XRN1: variants seen among roughly 807,000 people sequenced by gnomAD.
XRN1 encodes 5'-3' exoribonuclease 1.
Under a neutral mutation model 222.3 loss-of-function variants are expected in XRN1, and 67 were observed. The observed-to-expected ratio is 0.30, with a 90% CI of 0.25 to 0.37. The LOEUF is 0.37. XRN1 is among the 10% of genes least tolerant of loss of function. The pLI, the probability that XRN1 is intolerant of heterozygous loss-of-function variation, is 1.00. For synonymous variants in XRN1, 643 were observed against 652.4 expected, an observed-to-expected ratio of 0.99 and a Z score of 0.22; for missense variants, 1,707 against 2,000.2, an observed-to-expected ratio of 0.85 and a Z score of 2.80.
chr3:142,365,165 T>C lies in XRN1; in HGVS notation c.3276A>G (p.Gln1092=). Residue 1092 remains glutamine (Q), a synonymous_variant, in exon 29 of 41, where the codon CAA becomes CAG. Coordinates refer to ENST00000392981, the MANE Select transcript of XRN1 (RefSeq NM_001282857.2). ...PHLLYRPLEQ[Q]HGVIPDRDAE... is the part of the protein sequence containing the mutation. Reference sequence around the variant, plus strand: ...CATCCCGATCAGGAATGACTCCATGTTGCTGTTCTAAAGGCTGAAGAGAAG... The same window carrying C: ...CATCCCGATCAGGAATGACTCCATGCTGCTGTTCTAAAGGCTGAAGAGAAG... 6.2e-7 allele frequency: 1 copy of C among 1,612,040 alleles called. No individual in the cohort carries two copies. The highest frequency in any genetic ancestry group is 8.5e-7 in the Non-Finnish European group (1 of 1,179,114).
At chr3:142,443,102 C>T (rs1164580321) in intron 1 of XRN1, among the ~76,000 whole-genome samples, 5 of 152,126 alleles carry the variant, frequency 3.3e-5, no homozygotes, top group Non-Finnish European at 5.9e-5. Context: ...AACTACAAAT[C>T]GTTCTTCAAA....
chr3:142,409,419 GA>G (rs1358203134), intron 15 of XRN1, among the ~76,000 whole-genome samples: 2 of 152,182 alleles, frequency 1.3e-5, no homozygotes, highest in Non-Finnish European at 2.9e-5. Context: ...ACCAACTTTT[GA>G]AAAGCACTTT....
intron 2 of XRN1, among the ~76,000 whole-genome samples, chr3:142,432,389 C>T (rs1396636521): frequency 2.0e-5 from 3 of 150,574 alleles, no homozygotes; most frequent in African/African-American, 4.9e-5. Context: ...CCACTGCACT[C>T]CAGCCTGGGT....
rs1559866705 is a variant in XRN1, at chr3:142,418,382, A to G, written c.1346+122T>C. ...CAAAACCAGACTAGTTGAAACATACACAATAATTCATGAAACCAAAAAATC... is the reference window on the plus strand; with the variant it reads ...CAAAACCAGACTAGTTGAAACATACGCAATAATTCATGAAACCAAAAAATC... On this transcript the variant is annotated intron_variant, in intron 12 of 40. Transcript: ENST00000392981. 1.2e-5 allele frequency: 8 copies of G among 687,386 alleles called. No individual in the cohort carries two copies. The East Asian group carries it at 2.0e-4, about 17-fold the overall frequency. The allele number at this position is 687,386 out of a possible 1,614,324, so 42.6% of individuals were successfully genotyped here.
intron 2 of XRN1, among the ~76,000 whole-genome samples, chr3:142,428,259 G>C (rs1273904854): frequency 6.6e-6 from 1 of 151,988 alleles, no homozygotes; most frequent in Non-Finnish European, 1.5e-5. Context: ...AGCCGGGTGT[G>C]GTGGTGCGGC....
intron 10 of XRN1, among the ~76,000 whole-genome samples, chr3:142,419,819 AAAAG>A (rs1451479789): frequency 2.0e-5 from 3 of 152,170 alleles, no homozygotes; most frequent in South Asian, 2.1e-4. Context: ...AAAAAAAAAA[AAAAG>A]AAACTCAGCA....
At chr3:142,344,959 A>G (rs2066100515) in intron 33 of XRN1, among the ~76,000 whole-genome samples, 2 of 152,212 alleles carry the variant, frequency 1.3e-5, no homozygotes, top group Admixed American at 6.5e-5. Flanking sequence ...CTGAAAAAGA[A>G]AAACAAAGAG....
In XRN1 at chr3:142,421,055, T is replaced by C; in HGVS notation, c.1134A>G (p.Ala378=). The C allele has an allele frequency of 6.2e-7, 1 of 1,614,106 alleles. No individual in the cohort carries two copies. The highest frequency in any genetic ancestry group is 8.5e-7 in the Non-Finnish European group (1 of 1,179,988). The change falls in exon 10 of 41, where the codon GCA becomes GCG. Residue 378 remains alanine, a synonymous_variant. Transcript: ENST00000392981. The part of the protein sequence containing the change: ...KYLNEAAGVA[A]EEARNYKEKK... ...TTTCCTTGTAGTTCCTGGCTTCTTC[T>C]GCTGCGACACCTGCTGCTTCATTGA... is the stretch of plus-strand genomic sequence containing the variant.
intron 1 of XRN1, among the ~76,000 whole-genome samples, chr3:142,437,684 TG>T (rs2069981364): frequency 6.6e-6 from 1 of 152,070 alleles, no homozygotes; most frequent in East Asian, 1.9e-4. Flanking sequence ...AAAGCAAAAA[TG>T]GAGAAATGGG....
intron 22 of XRN1, among the ~76,000 whole-genome samples, chr3:142,382,814 T>A (rs1302207893): frequency 6.6e-6 from 1 of 151,972 alleles, no homozygotes; most frequent in African/African-American, 2.4e-5. Flanking sequence ...TACACAGATA[T>A]ACAAACATAT....
chr3:142,426,072 A>G (rs542016744), intron 3 of XRN1, among the ~76,000 whole-genome samples: 2 of 152,130 alleles, frequency 1.3e-5, no homozygotes, highest in Non-Finnish European at 2.9e-5. Flanking sequence ...TAAAACCACA[A>G]TCAGGATAAA....
chr3:142,447,938 C>T lies in XRN1; in HGVS notation c.7G>A (p.Val3Ile). 3 of 1,613,980 alleles carry T rather than the reference C, an allele frequency of 1.9e-6. No homozygotes were observed. The highest frequency in any genetic ancestry group is 2.5e-6 in the Non-Finnish European group (3 of 1,179,994). Residue 3 changes from valine to isoleucine, a missense_variant, in exon 1 of 41, where the codon GTC becomes ATC. Val to Ile is a conservative substitution (Grantham distance 29). Around this residue, in one of 2 missense-constraint regions of XRN1, gnomAD observed 1,234 missense variants for 1,518.2 expected, o/e 0.81. Transcript: ENST00000392981. This position sits in a 1 kb window ranked among gnomAD's most constrained non-coding sequence, Gnocchi z 4.2. ...GAGATCCATCTGTAAAACTTGGGGA[C>T]TCCCATTTCGATCGTCAACACTAAT... MG[V>I]PKFYRWISER...
At chr3:142,412,046 G>A (rs563873523) in intron 15 of XRN1, among the ~76,000 whole-genome samples, 22 of 151,790 alleles carry the variant, frequency 1.4e-4, no homozygotes, top group Non-Finnish European at 2.2e-4. Context: ...GGATGGTCTC[G>A]ATCTCCTGAC....
At position 142,403,563 on chromosome 3, in the gene XRN1, C is replaced by T. The variant is rs138372461; in HGVS notation, c.2103+111G>A. The T allele has an allele frequency of 2.1e-4, 190 of 920,194 alleles. No homozygotes were observed. In the East Asian group the frequency reaches 4.7e-3, roughly 23 times the overall value. The allele number at this position is 920,194 out of a possible 1,614,324, so 57.0% of individuals were successfully genotyped here. A position where few individuals can be genotyped will look rare whatever the true frequency, so the allele number is the denominator to read the frequency against. ...TTTCTTTGCTTCATCCTTATTTAGGCTCCAAATTTCTAGAGTTACAACATA... is the reference window on the plus strand; with the variant it reads ...TTTCTTTGCTTCATCCTTATTTAGGTTCCAAATTTCTAGAGTTACAACATA... On this transcript the variant is annotated intron_variant, in intron 18 of 40. Coordinates refer to ENST00000392981, the MANE Select transcript of XRN1 (RefSeq NM_001282857.2).
chr3:142,380,810 C>T (rs1464051061), intron 22 of XRN1, among the ~76,000 whole-genome samples: 1 of 152,000 alleles, frequency 6.6e-6, no homozygotes, highest in Non-Finnish European at 1.5e-5. Context: ...CAGGTATGCA[C>T]CACTAAGCTC....
intron 1 of XRN1, among the ~76,000 whole-genome samples, chr3:142,439,891 T>C (rs1357760156): frequency 1.3e-5 from 2 of 152,102 alleles, no homozygotes; most frequent in African/African-American, 4.8e-5. Context: ...TTAAAAAAGA[T>C]TGTCCAAGTA....
intron 8 of XRN1, among the ~76,000 whole-genome samples, chr3:142,422,067 G>A (rs544162225): frequency 1.4e-4 from 21 of 152,268 alleles, no homozygotes; most frequent in South Asian, 1.2e-3. Flanking sequence ...AGATTAGACC[G>A]GGTGTGGTGG....
chr3:142,424,053 A>G (rs566055310), intron 5 of XRN1, among the ~76,000 whole-genome samples: 10 of 126,772 alleles, frequency 7.9e-5, no homozygotes, highest in African/African-American at 4.2e-4. Context: ...AAAACTCAGG[A>G]AAAAAAAAAA....
chr3:142,314,519 GCAGT>G (rs1389773063), intron 39 of XRN1, among the ~76,000 whole-genome samples: 1 of 151,916 alleles, frequency 6.6e-6, no homozygotes, highest in African/African-American at 2.4e-5. Flanking sequence ...TGAAGCAGCA[GCAGT>G]CAAATTAGAT....
Sources: gnomAD v4.1 joint callset for allele counts (sites outside exome capture counted in the v4.1 genomes callset) on GRCh38, gnomAD v4.1.1 for gene constraint, gnomAD v4.1.1 regional missense constraint, Gnocchi (gnomAD v3.1) non-coding constraint, MANE v1.5 for transcripts, NCBI Gene and HGNC (gene_info 2026-07-23, HGNC 2026-07-21) for gene names.